SLC9A6: variants seen among roughly 807,000 people sequenced by gnomAD.
The protein encoded by SLC9A6 is solute carrier family 9 member A6.
A neutral mutation model predicts 45.3 loss-of-function variants in SLC9A6; 6 were observed. The ratio of observed to expected loss-of-function variants is 0.13; its 90% CI spans 0.07 to 0.26. The LOEUF (loss-of-function observed/expected upper bound fraction) is 0.26. SLC9A6 is among the 10% of genes least tolerant of loss of function. The pLI is 1.00. For synonymous variants in SLC9A6, 191 were observed against 187.7 expected, an observed-to-expected ratio of 1.02 and a Z score of -0.14; for missense variants, 278 against 503.7, an observed-to-expected ratio of 0.55 and a Z score of 4.29.
rs782800814 is a variant in SLC9A6 at position 136,033,514 on chromosome X, A to T, written c.1661+21A>T. 4 of 967,616 alleles carry T rather than the reference A, an allele frequency of 4.1e-6. No individual in the cohort carries two copies. The South Asian group carries it at 7.7e-5, about 19-fold the overall frequency. 79.7% of individuals were successfully genotyped at this position (967,616 alleles called of 1,213,427 possible). A position where few individuals can be genotyped will look rare whatever the true frequency, so the allele number is the denominator to read the frequency against. ...CATAAGTATCCTTAATTGAGGGAAAAAAAAAAAGGATAATGTGGACATAGA... is the reference window on the plus strand; with the variant it reads ...CATAAGTATCCTTAATTGAGGGAAATAAAAAAAGGATAATGTGGACATAGA... On this transcript the variant is annotated intron_variant, in intron 16 of 17. Transcript: ENST00000630721.
At chrX:135,976,774 A>C (rs1220554285) in intron 1 of SLC9A6, among the ~76,000 whole-genome samples, 1 of 111,880 alleles carries the variant, frequency 8.9e-6, no homozygotes, top group Non-Finnish European at 1.9e-5. Flanking sequence ...ATAAACCACC[A>C]ATGCATTATC....
At chrX:135,999,171 TTTTA>T (rs2089547015) in intron 6 of SLC9A6, among the ~76,000 whole-genome samples, 1 of 110,663 alleles carries the variant, frequency 9.0e-6, no homozygotes, top group Non-Finnish European at 1.9e-5. Flanking sequence ...CTTTTTTTTT[TTTTA>T]ATTACATTTG....
chrX:135,998,087 A>C (rs372846324), intron 3 of SLC9A6, 21 bp from the exon 4 acceptor site: 53 of 862,901 alleles, frequency 6.1e-5, no homozygotes, highest in Middle Eastern at 3.2e-4. Context: ...ATTGATCTAA[A>C]ATAACTCTTT....
chrX:136,017,011 G>T (rs955530435), intron 11 of SLC9A6, among the ~76,000 whole-genome samples: 1 of 111,448 alleles, frequency 9.0e-6, no homozygotes, highest in Non-Finnish European at 1.9e-5. Flanking sequence ...AACCCCAAAA[G>T]ATAAGTGTTT....
At chrX:135,996,218 G>GT (rs1334586141) in intron 3 of SLC9A6, among the ~76,000 whole-genome samples, 1 of 107,791 alleles carries the variant, frequency 9.3e-6, no homozygotes, top group Non-Finnish European at 1.9e-5. Context: ...TTTTAGTAGA[G>GT]TTGGGGTTTC....
chrX:135,984,047 GGA>G (rs1368014532), upstream of SLC9A6, among the ~76,000 whole-genome samples: 4 of 111,501 alleles, frequency 3.6e-5, no homozygotes, highest in Non-Finnish European at 7.5e-5. Context: ...GACAGAAAGT[GGA>G]ATTGGACATC....
rs782655120 is a variant in SLC9A6, at chrX:135,985,581, C to T, written c.-56-22C>T. ...TCCCCGAGCCCGCAGGCTCATGCGG[C>T]CCCTTTGGTTGCTCCTCGCAGTGGG... is the stretch of plus-strand genomic sequence containing the variant. On this transcript the variant is annotated intron_variant, in intron 1 of 17. Coordinates refer to ENST00000630721, the MANE Select transcript of SLC9A6 (RefSeq NM_001379110.1). 3.3e-6 allele frequency: 4 copies of T among 1,204,021 alleles called. No homozygotes were observed. The highest frequency in any genetic ancestry group is 3.4e-6 in the Non-Finnish European group (3 of 892,124).
chrX:136,024,446 G>C lies in SLC9A6; in HGVS notation c.1423G>C (p.Gly475Arg). The part of the protein sequence containing the change: ...IVFFTVWVFG[G>R]GTTAMLSCLH... Reference sequence around the variant, plus strand: ...GTTTTTTACCGTGTGGGTATTTGGTGGTGGCACCACTGCAATGCTGTCATG... The same window carrying C: ...GTTTTTTACCGTGTGGGTATTTGGTCGTGGCACCACTGCAATGCTGTCATG... The change falls in exon 13 of 18, where the codon GGT becomes CGT. Residue 475 changes from glycine (G) to arginine (R), a missense_variant. By Grantham distance (125) the Gly-to-Arg change is moderately radical. Coordinates refer to ENST00000630721, the MANE Select transcript of SLC9A6 (RefSeq NM_001379110.1). The C allele has an allele frequency of 1.7e-6, 2 of 1,210,454 alleles. No homozygotes were observed. The highest frequency in any genetic ancestry group is 1.7e-5 in the African/African-American group (1 of 57,656).
At chrX:136,005,977 T>C (rs1452245584) in intron 7 of SLC9A6, among the ~76,000 whole-genome samples, 2 of 111,732 alleles carry the variant, frequency 1.8e-5, no homozygotes, top group African/African-American at 6.5e-5. Flanking sequence ...TTAATAGAAT[T>C]GAAAAAATGA....
chrX:136,032,837 G>C (rs2071349084), intron 15 of SLC9A6, among the ~76,000 whole-genome samples: 1 of 112,158 alleles, frequency 8.9e-6, no homozygotes, highest in Non-Finnish European at 1.9e-5. Context: ...AGTCTTTCAG[G>C]TTCAGTACAT....
chrX:136,000,019 G>C (rs782560031), intron 6 of SLC9A6, among the ~76,000 whole-genome samples: 1 of 109,470 alleles, frequency 9.1e-6, no homozygotes, highest in Non-Finnish European at 1.9e-5. Context: ...AGGCCGAGAT[G>C]GTAGGATCAC....
intron 1 of SLC9A6, among the ~76,000 whole-genome samples, chrX:135,979,350 T>G (rs2089276558): frequency 9.0e-6 from 1 of 111,706 alleles, no homozygotes; most frequent in Non-Finnish European, 1.9e-5. Context: ...GTCAATATTA[T>G]GCATATAGCT....
intron 17 of SLC9A6, among the ~76,000 whole-genome samples, chrX:136,042,519 T>A (rs972027274): frequency 8.9e-6 from 1 of 112,081 alleles, no homozygotes; most frequent in Non-Finnish European, 1.9e-5. Flanking sequence ...CTGCTTTTTT[T>A]AGTTATAACA....
chrX:136,029,677 C>A, intron 14 of SLC9A6: 1 of 147,937 alleles, frequency 6.8e-6, no homozygotes, highest in Non-Finnish European at 1.3e-5. Flanking sequence ...TAATGTCTAT[C>A]CATTAGCCTA....
chrX:136,032,269 C>A (rs1012987005), intron 15 of SLC9A6, among the ~76,000 whole-genome samples: 1 of 111,695 alleles, frequency 9.0e-6, no homozygotes, highest in Non-Finnish European at 1.9e-5. Context: ...ACGGGGTTTC[C>A]CCATATTGGT....
intron 2 of SLC9A6, among the ~76,000 whole-genome samples, chrX:135,994,114 T>A (rs2089468318): frequency 9.1e-6 from 1 of 109,914 alleles, no homozygotes; most frequent in Non-Finnish European, 1.9e-5. Context: ...TTTCTTTTTT[T>A]TTTTTTTTGA....
chrX:135,975,642 A>G (rs989598565), intron 1 of SLC9A6, among the ~76,000 whole-genome samples: 7 of 112,310 alleles, frequency 6.2e-5, no homozygotes, highest in Admixed American at 1.9e-4. Flanking sequence ...TGAATTCCGG[A>G]AAATAATTGG....
chrX:135,999,267 C>T (rs932285164), intron 6 of SLC9A6, among the ~76,000 whole-genome samples: 4 of 109,497 alleles, frequency 3.7e-5, no homozygotes, highest in African/African-American at 1.3e-4. Flanking sequence ...GGTCTTTATC[C>T]CTAGTGATTG....
Position 136,024,487 on chromosome X carries a change from A to G in SLC9A6, c.1460+4A>G, listed in dbSNP as rs180727016. 3,682 of 1,193,640 alleles carry G rather than the reference A, an allele frequency of 3.1e-3. 6 individuals carry two copies. The highest frequency in any genetic ancestry group is 3.4e-3 in the Non-Finnish European group (2,993 of 880,537). On this transcript the variant is annotated splice_donor_region_variant and intron_variant, in intron 13 of 17. Coordinates refer to ENST00000630721, the MANE Select transcript of SLC9A6 (RefSeq NM_001379110.1). ...TGCTGTCATGCTTGCATATCAGGTA[A>G]GTACTAACTAGAGACCTCATTTTAA...
Sources: allele counts gnomAD v4.1 joint callset (sites outside exome capture counted in the v4.1 genomes callset), GRCh38; gene constraint gnomAD v4.1.1; transcripts MANE v1.5; gene names NCBI Gene and HGNC (gene_info 2026-07-23, HGNC 2026-07-21).